The following BCAT1 variants were observed in gnomAD, a reference collection of about 807,000 sequenced individuals.
BCAT1 encodes branched chain amino acid transaminase 1.
A neutral mutation model predicts 52.4 loss-of-function variants in BCAT1; 48 were observed. The ratio of observed to expected loss-of-function variants is 0.92; its 90% CI spans 0.73 to 1.16. The LOEUF (loss-of-function observed/expected upper bound fraction) is 1.16. BCAT1 is among the 50% of genes most tolerant of loss of function. BCAT1 has a pLI of 0.00. For synonymous variants in BCAT1, 167 were observed against 161.3 expected (o/e 1.04, Z -0.27); for missense variants, 451 against 457.1 (o/e 0.99, Z 0.12).
intron 8 of BCAT1, chr12:24,834,357 T>C: frequency 5.1e-6 from 5 of 985,094 alleles, no homozygotes; most frequent in Non-Finnish European, 6.0e-6. Flanking sequence ...CTCATTGACT[T>C]CTGCCAAAGT....
chr12:24,838,313 GC>G (rs1306067293), intron 7 of BCAT1, among the ~76,000 whole-genome samples: 1 of 152,094 alleles, frequency 6.6e-6, no homozygotes, highest in Non-Finnish European at 1.5e-5. Context: ...CAGCAGTATG[GC>G]TTTTTTGAAT....
At chr12:24,887,070 A>AAT in intron 3 of BCAT1, among the ~76,000 whole-genome samples, 2 of 93,474 alleles carry the variant, frequency 2.1e-5, no homozygotes, top group African/African-American at 8.6e-5. Context: ...CTAAAAAAAA[A>AAT]AAAAAAAAAA....
At chr12:24,886,882 G>C (rs1419887072) in intron 3 of BCAT1, among the ~76,000 whole-genome samples, 1 of 146,646 alleles carries the variant, frequency 6.8e-6, no homozygotes, top group African/African-American at 2.5e-5. Flanking sequence ...TGCCAACATG[G>C]TGAAACCCAG....
At chr12:24,918,277 C>T (rs1173865792) in intron 1 of BCAT1, among the ~76,000 whole-genome samples, 1 of 152,222 alleles carries the variant, frequency 6.6e-6, no homozygotes, top group Non-Finnish European at 1.5e-5. Context: ...AAGTACTCTT[C>T]TAAGAACCAT....
At position 24,816,299 on chromosome 12, in the gene BCAT1, A is replaced by G. The variant is rs1939873027; in HGVS notation, c.*1709T>C. 2.6e-6 allele frequency: 1 copy of G among 388,778 alleles called. No homozygotes were observed. Among genetic ancestry groups the G allele is most frequent in the African/African-American group, 2.1e-5 (1 of 48,374 alleles). The allele number at this position is 388,778 out of a possible 1,614,324, so 24.1% of individuals were successfully genotyped here. A position where few individuals can be genotyped will look rare whatever the true frequency, so the allele number is the denominator to read the frequency against. On this transcript the variant is annotated 3_prime_UTR_variant, in exon 11 of 11. Transcript: ENST00000261192. Reference sequence around the variant, plus strand: ...AATCCTTTTTATTTTCCTTCTCTGAAAAGAGAATAAAATATGTTCAGCAAG... The same window carrying G: ...AATCCTTTTTATTTTCCTTCTCTGAGAAGAGAATAAAATATGTTCAGCAAG...
At position 24,894,424 on chromosome 12, in the gene BCAT1, G is replaced by T. The variant is rs770270200; in HGVS notation, c.130C>A (p.Pro44Thr). The T allele has an allele frequency of 6.2e-7, 1 of 1,609,332 alleles. No individual in the cohort carries two copies. Among genetic ancestry groups the T allele is most frequent in the Non-Finnish European group, 8.5e-7 (1 of 1,177,602 alleles). Residue 44 changes from proline to threonine, a missense_variant, in exon 3 of 11, where the codon CCC becomes ACC. Coordinates refer to ENST00000261192, the MANE Select transcript of BCAT1 (RefSeq NM_005504.7). ...ACAGTTCCAAAAACCAGATTATTGG[G>T]GTCTGGTTTTTCCTTTAAAATGGTA... ...PATILKEKPDPNNLVFGTVFT... is the reference protein window; with the variant it reads ...PATILKEKPDTNNLVFGTVFT...
At chr12:24,922,648 G>A (rs111886668) in intron 1 of BCAT1, among the ~76,000 whole-genome samples, 4 of 152,142 alleles carry the variant, frequency 2.6e-5, no homozygotes, top group East Asian at 1.9e-4. Flanking sequence ...CGAGGCAGGC[G>A]GATCACGAGG....
In BCAT1 at chr12:24,816,634, A is replaced by C; in HGVS notation, c.*1374T>G. The stretch of plus-strand genomic sequence containing the variant: ...TTTATTTCTGCAATTAACACTTGAC[A>C]TAAAACATTTGTCATTTCCATTTGG... On this transcript the variant is annotated 3_prime_UTR_variant, in exon 11 of 11. Transcript: ENST00000261192. 2.5e-6 allele frequency: 1 copy of C among 397,664 alleles called. No homozygotes were observed. The highest frequency in any genetic ancestry group is 4.4e-6 in the Non-Finnish European group (1 of 225,544). 24.6% of individuals were successfully genotyped at this position (397,664 alleles called of 1,614,324 possible).
intron 6 of BCAT1, among the ~76,000 whole-genome samples, chr12:24,846,404 T>A (rs1479430421): frequency 6.6e-6 from 1 of 152,154 alleles, no homozygotes; most frequent in Non-Finnish European, 1.5e-5. Flanking sequence ...GCTGCCAATA[T>A]TCATAAGAGA....
At chr12:24,942,587 C>A (rs1403305750) in intron 1 of BCAT1, among the ~76,000 whole-genome samples, 3 of 151,410 alleles carry the variant, frequency 2.0e-5, no homozygotes, top group African/African-American at 7.3e-5. Flanking sequence ...CAAATATACA[C>A]CCTTGTTACA....
intron 1 of BCAT1, among the ~76,000 whole-genome samples, chr12:24,946,473 C>T (rs593165): frequency 6.6e-6 from 1 of 152,076 alleles, no homozygotes; most frequent in Non-Finnish European, 1.5e-5. Context: ...GAGGCAGTTT[C>T]TAAGTTGAGA....
intron 1 of BCAT1, 195 bp from the exon 2 acceptor site, chr12:24,902,080 T>C (rs1943120337): frequency 1.3e-6 from 2 of 1,493,616 alleles, no homozygotes; most frequent in African/African-American, 1.4e-5. Flanking sequence ...GCCCTGCACT[T>C]CCCACCCTGC....
intron 1 of BCAT1, among the ~76,000 whole-genome samples, chr12:24,933,775 G>C (rs1943713153): frequency 6.6e-6 from 1 of 152,076 alleles, no homozygotes; most frequent in Admixed American, 6.5e-5. Context: ...TCTCTCTAAT[G>C]AGAGAGAGGG....
intron 1 of BCAT1, chr12:24,903,047 G>A (rs1943158847): frequency 1.4e-6 from 2 of 1,395,268 alleles, no homozygotes; most frequent in South Asian, 1.6e-5. Flanking sequence ...GCGCGCGGCT[G>A]GAAGCGAAAG....
intron 3 of BCAT1, among the ~76,000 whole-genome samples, chr12:24,893,712 T>A (rs921615942): frequency 6.6e-6 from 1 of 152,168 alleles, no homozygotes; most frequent in African/African-American, 2.4e-5. Flanking sequence ...ACAATGAGAA[T>A]CAAGACAATG....
rs181061498 is a variant in BCAT1 at position 24,811,558 on chromosome 12, C to T, written c.*6450G>A. ...CCATTTTAGATGTTTAATTGTGCTT[C>T]TACAAAACCTTCAGAGCATGAGGTA... On this transcript the variant is annotated 3_prime_UTR_variant, in exon 11 of 11. Transcript: ENST00000261192. 1.4e-4 allele frequency: 22 copies of T among 152,270 alleles called. No homozygotes were observed. The highest frequency in any genetic ancestry group is 7.2e-4 in the Admixed American group (11 of 15,290). The allele number at this position is 152,270 out of a possible 1,614,324, so 9.4% of individuals were successfully genotyped here. A position where few individuals can be genotyped will look rare whatever the true frequency, so the allele number is the denominator to read the frequency against.
chr12:24,867,392 C>A (rs947410700), intron 5 of BCAT1, among the ~76,000 whole-genome samples: 2 of 149,376 alleles, frequency 1.3e-5, no homozygotes, highest in Non-Finnish European at 3.0e-5. Context: ...ACTCAGCATT[C>A]CACAATTGTT....
intron 2 of BCAT1, among the ~76,000 whole-genome samples, chr12:24,899,711 C>T (rs958044648): frequency 1.3e-5 from 2 of 151,278 alleles, no homozygotes; most frequent in African/African-American, 4.9e-5. Flanking sequence ...AGAGTAAAAT[C>T]GTGTCATTTG....
chr12:24,920,315 C>T (rs181839986), intron 1 of BCAT1, among the ~76,000 whole-genome samples: 26 of 152,252 alleles, frequency 1.7e-4, no homozygotes, highest in Non-Finnish European at 3.2e-4. Context: ...CACAGGAACT[C>T]CACCTCTCTG....
Sources: allele counts gnomAD v4.1 joint callset (sites outside exome capture counted in the v4.1 genomes callset), GRCh38; gene constraint gnomAD v4.1.1; transcripts MANE v1.5; gene names NCBI Gene and HGNC (gene_info 2026-07-23, HGNC 2026-07-21).